Variants in MAP2 observed in about 807,000 individuals in gnomAD.
MAP2 encodes microtubule-associated protein 2.
Under a neutral mutation model 137.6 loss-of-function variants are expected in MAP2, and 14 were observed. That is an observed-to-expected ratio of 0.10 (90% CI 0.07 to 0.16). The LOEUF is 0.16. MAP2 is among the 10% of genes least tolerant of loss of function. The probability of loss-of-function intolerance (pLI) is 1.00; values close to 1 mark genes in which losing one functional copy is unlikely to be tolerated. For synonymous variants in MAP2, 786 were observed against 782.3 expected, an observed-to-expected ratio of 1.00 and a Z score of -0.08; for missense variants, 2,088 against 2,191.5, an observed-to-expected ratio of 0.95 and a Z score of 0.94.
chr2:209,623,561 CTCTT>C (rs1243671302), intron 3 of MAP2, among the ~76,000 whole-genome samples: 4 of 152,252 alleles, frequency 2.6e-5, no homozygotes, highest in African/African-American at 9.6e-5. Context: ...TACACAAAGA[CTCTT>C]TCTATCCAAA....
intron 13 of MAP2, among the ~76,000 whole-genome samples, chr2:209,714,443 A>G (rs2066727445): frequency 6.6e-6 from 1 of 152,232 alleles, no homozygotes; most frequent in African/African-American, 2.4e-5. Context: ...GCTAGGCTAC[A>G]GATGGTGGCA....
At chr2:209,493,018 G>A (rs1384572191) in intron 1 of MAP2, among the ~76,000 whole-genome samples, 1 of 152,154 alleles carries the variant, frequency 6.6e-6, no homozygotes, top group East Asian at 1.9e-4. Flanking sequence ...CATGCTACCT[G>A]ATTTCAAACT....
At chr2:209,483,364 A>G (rs1448809235) in intron 1 of MAP2, among the ~76,000 whole-genome samples, 1 of 152,130 alleles carries the variant, frequency 6.6e-6, no homozygotes, top group East Asian at 1.9e-4. Flanking sequence ...CCCTTTGTTT[A>G]AAAAAAGGTA....
chr2:209,576,306 C>T (rs1299189646), intron 2 of MAP2, among the ~76,000 whole-genome samples: 2 of 152,010 alleles, frequency 1.3e-5, no homozygotes, highest in Non-Finnish European at 2.9e-5. Flanking sequence ...TGCAGTGGTG[C>T]GATCTCGGCT....
At chr2:209,658,491 A>G (rs896816226) in intron 5 of MAP2, among the ~76,000 whole-genome samples, 6 of 148,486 alleles carry the variant, frequency 4.0e-5, no homozygotes, top group Admixed American at 1.3e-4. Flanking sequence ...AAAGAGAGGA[A>G]AAAAAAATTA....
chr2:209,693,799 C>G lies in MAP2; in HGVS notation c.1629C>G (p.Asp543Glu). The G allele has an allele frequency of 6.2e-7, 1 of 1,613,924 alleles. No individual in the cohort carries two copies. Among genetic ancestry groups the G allele is most frequent in the South Asian group, 1.1e-5 (1 of 91,050 alleles). The stretch of plus-strand genomic sequence containing the variant: ...AACTTTTTGAAATGAGAGTTGATGA[C>G]AAAGATAAGATTGAAGGAGTTGGAG... ...IQELFEMRVD[D>E]KDKIEGVGAA... Residue 543 changes from aspartate to glutamate, a missense_variant, in exon 8 of 16, where the codon GAC (aspartate) becomes GAG (glutamate). Coordinates refer to ENST00000682079, the MANE Select transcript of MAP2 (RefSeq NM_001375505.1).
At chr2:209,512,911 T>C (rs2061941140) in intron 2 of MAP2, among the ~76,000 whole-genome samples, 1 of 152,100 alleles carries the variant, frequency 6.6e-6, no homozygotes, top group African/African-American at 2.4e-5. Flanking sequence ...CTTTCCAAAG[T>C]GATGAGATTA....
At chr2:209,467,304 C>T (rs16842923) in intron 1 of MAP2, among the ~76,000 whole-genome samples, 3,464 of 152,054 alleles carry the variant, frequency 0.023, 139 homozygotes, top group African/African-American at 0.079. Context: ...CATAATATAC[C>T]GCCAGAAGAT....
At position 209,614,942 on chromosome 2, in the gene MAP2, G is replaced by A. The variant is rs567699350; in HGVS notation, c.-106-10111G>A. Among the ~76,000 whole-genome samples, 17 of 152,252 alleles carry A rather than the reference G, an allele frequency of 1.1e-4. No homozygotes were observed. In the South Asian group the frequency reaches 3.5e-3, roughly 32 times the overall value. On this transcript the variant is annotated intron_variant, in intron 3 of 15. Coordinates refer to ENST00000682079, the MANE Select transcript of MAP2 (RefSeq NM_001375505.1). ...ACTTCCTCTGCTTCTAGAGCTTTTA[G>A]CTTTTCATGCTAAAAGTAGATTTGT...
At position 209,700,329 on chromosome 2, in the gene MAP2, C is replaced by A; in HGVS notation, c.4575C>A (p.Asp1525Glu). The part of the protein sequence containing the change: ...LAPSVFKQAK[D>E]KVSDGVTKSP... ...CCAGTGTATTTAAACAGGCAAAGGA[C>A]AAAGTCTCTGTGAGTAAAATAAGTT... The change falls in exon 11 of 16, where the codon GAC becomes GAA. Residue 1525 changes from aspartate (D) to glutamate (E), a missense_variant. Transcript: ENST00000682079. 6.2e-7 allele frequency: 1 copy of A among 1,612,636 alleles called. No homozygotes were observed. The highest frequency in any genetic ancestry group is 8.5e-7 in the Non-Finnish European group (1 of 1,179,030).
chr2:209,492,225 G>A lies in MAP2; in HGVS notation c.-221-15367G>A, dbSNP rs1042767333. On this transcript the variant is annotated intron_variant, in intron 1 of 15. Transcript: ENST00000682079. ...CTCAATGGATGCAGAAAAGGCCTTT[G>A]ATAAAATTCAAAACCCCTTCATGCT... 2.0e-5 allele frequency among the ~76,000 whole-genome samples: 3 copies of A among 152,156 alleles called. 1 individual carries two copies. Among genetic ancestry groups the A allele is most frequent in the Admixed American group, 2.0e-4 (3 of 15,278 alleles).
intron 3 of MAP2, among the ~76,000 whole-genome samples, chr2:209,620,554 T>C (rs1470656000): frequency 6.6e-6 from 1 of 152,236 alleles, no homozygotes; most frequent in Non-Finnish European, 1.5e-5. Flanking sequence ...TGGGACACCA[T>C]GACTTCCTTC....
intron 3 of MAP2, among the ~76,000 whole-genome samples, chr2:209,592,394 AG>A (rs1394578577): frequency 6.6e-6 from 1 of 152,142 alleles, no homozygotes; most frequent in Non-Finnish European, 1.5e-5. Context: ...CGTGTCTCCC[AG>A]TGTCTTCTAT....
At chr2:209,609,248 A>G (rs1230298421) in intron 3 of MAP2, among the ~76,000 whole-genome samples, 2 of 152,152 alleles carry the variant, frequency 1.3e-5, no homozygotes, top group Non-Finnish European at 2.9e-5. Context: ...CAAAAAATTA[A>G]TATTTACTAA....
At chr2:209,521,754 A>C (rs2063319471) in intron 2 of MAP2, among the ~76,000 whole-genome samples, 1 of 152,058 alleles carries the variant, frequency 6.6e-6, no homozygotes. Context: ...TGTGATCAAT[A>C]ACACATTATA....
rs562026029 is a variant in MAP2, at chr2:209,658,696, G to A, written c.262+5264G>A. Among the ~76,000 whole-genome samples, 5 of 151,836 alleles carry A rather than the reference G, an allele frequency of 3.3e-5. No individual in the cohort carries two copies. The South Asian group carries it at 8.3e-4, about 25-fold the overall frequency. On this transcript the variant is annotated intron_variant, in intron 5 of 15. Transcript: ENST00000682079. ...TAATTTTTGTATTTTTAGTAGAGAC[G>A]GGGTTTCACCATGTTGGCCAGGCTG...
At chr2:209,539,365 C>G (rs1194893323) in intron 2 of MAP2, among the ~76,000 whole-genome samples, 1 of 152,208 alleles carries the variant, frequency 6.6e-6, no homozygotes, top group Non-Finnish European at 1.5e-5. Flanking sequence ...TGCTCCTTCA[C>G]AATTTGGCCA....
At chr2:209,647,974 C>T (rs114964353) in intron 4 of MAP2, among the ~76,000 whole-genome samples, 3 of 151,642 alleles carry the variant, frequency 2.0e-5, no homozygotes, top group African/African-American at 7.3e-5. Flanking sequence ...AATATTTTTT[C>T]TTTTTTTTAA....
chr2:209,484,491 A>G (rs1369680263), intron 1 of MAP2, among the ~76,000 whole-genome samples: 1 of 152,146 alleles, frequency 6.6e-6, no homozygotes, highest in Non-Finnish European at 1.5e-5. Flanking sequence ...GCAGTTCGAG[A>G]CCAGCCTAGC....
Sources: allele counts gnomAD v4.1 joint callset (sites outside exome capture counted in the v4.1 genomes callset), GRCh38; gene constraint gnomAD v4.1.1; transcripts MANE v1.5; gene names NCBI Gene and HGNC (gene_info 2026-07-23, HGNC 2026-07-21).